Variants in R3HDM2 observed in about 807,000 individuals in gnomAD.
R3HDM2 encodes the protein R3H domain-containing protein 2.
A neutral mutation model predicts 124.5 loss-of-function variants in R3HDM2; 38 were observed. The observed-to-expected ratio is 0.31, with a 90% confidence interval of 0.24 to 0.40. The LOEUF (loss-of-function observed/expected upper bound fraction) is 0.40. R3HDM2 is among the 10% of genes least tolerant of loss of function. R3HDM2 has a pLI of 1.00. For missense variants in R3HDM2, 869 were observed against 1,236.9 expected (o/e 0.70, Z 4.46); for synonymous variants, 391 against 448.0 (o/e 0.87, Z 1.61).
intron 19 of R3HDM2, among the ~76,000 whole-genome samples, chr12:57,265,449 A>T (rs2042088130): frequency 6.6e-6 from 1 of 151,998 alleles, no homozygotes; most frequent in African/African-American, 2.4e-5. Flanking sequence ...AGTACAGAAG[A>T]CACAGGTCTT....
rs757143262 is a variant in R3HDM2 at position 57,261,232 on chromosome 12, T to G, written c.2132-2173A>C. Among the ~76,000 whole-genome samples the G allele has an allele frequency of 2.0e-5, 3 of 152,240 alleles. No homozygotes were observed. The East Asian group carries it at 5.8e-4, about 29-fold the overall frequency. On this transcript the variant is annotated intron_variant, in intron 19 of 23. Coordinates refer to ENST00000402412, the MANE Select transcript of R3HDM2 (RefSeq NM_001394031.1). ...AATTGACCTTATTCAAATACCTCATTGCTACTTGAGAGTCTAATGTAAAAA... is the reference window on the plus strand; with the variant it reads ...AATTGACCTTATTCAAATACCTCATGGCTACTTGAGAGTCTAATGTAAAAA...
intron 2 of R3HDM2, among the ~76,000 whole-genome samples, chr12:57,369,128 C>T (rs986182569): frequency 2.6e-5 from 4 of 152,210 alleles, no homozygotes; most frequent in African/African-American, 9.6e-5. Context: ...TCCCATTTCC[C>T]ACTTCCAACC....
At chr12:57,287,927 A>G (rs1335168647) in intron 12 of R3HDM2, among the ~76,000 whole-genome samples, 1 of 151,958 alleles carries the variant, frequency 6.6e-6, no homozygotes, top group Non-Finnish European at 1.5e-5. Flanking sequence ...TTAATACAAC[A>G]GGTTGCACCA....
At chr12:57,371,699 A>C (rs1219850939) in intron 2 of R3HDM2, among the ~76,000 whole-genome samples, 1 of 152,216 alleles carries the variant, frequency 6.6e-6, no homozygotes, top group Non-Finnish European at 1.5e-5. Flanking sequence ...AACTATAAAA[A>C]CAAAAAGTAA....
chr12:57,280,930 TAG>T (rs113415134), intron 13 of R3HDM2, among the ~76,000 whole-genome samples: 19 of 150,972 alleles, frequency 1.3e-4, no homozygotes, highest in Non-Finnish European at 5.9e-5. Flanking sequence ...GTCCTTTTGC[TAG>T]AGAGAGAGAG....
chr12:57,276,020 A>G (rs1300198155), intron 14 of R3HDM2, among the ~76,000 whole-genome samples: 2 of 152,128 alleles, frequency 1.3e-5, no homozygotes. Flanking sequence ...GATCGAGACC[A>G]TCCTGGCTAA....
At chr12:57,289,691 C>G (rs1249930254) in intron 11 of R3HDM2, among the ~76,000 whole-genome samples, 1 of 152,216 alleles carries the variant, frequency 6.6e-6, no homozygotes, top group African/African-American at 2.4e-5. Context: ...GGAAAAGGTA[C>G]CAAGAGTGTC....
chr12:57,404,889 TA>T (rs1019421514), intron 1 of R3HDM2, among the ~76,000 whole-genome samples: 2 of 150,142 alleles, frequency 1.3e-5, no homozygotes, highest in Admixed American at 6.7e-5. Flanking sequence ...AAATAAAACT[TA>T]AAAAAAAACA....
At chr12:57,319,949 A>C (rs2056037665) in intron 2 of R3HDM2, among the ~76,000 whole-genome samples, 1 of 152,062 alleles carries the variant, frequency 6.6e-6, no homozygotes, top group Non-Finnish European at 1.5e-5. Flanking sequence ...GCCAAAACAA[A>C]AGCAAAAGAA....
At chr12:57,419,558 A>C (rs1358831694) in intron 1 of R3HDM2, among the ~76,000 whole-genome samples, 5 of 151,390 alleles carry the variant, frequency 3.3e-5, no homozygotes, top group Non-Finnish European at 7.4e-5. Context: ...CCTCCCACCT[A>C]TCTCTCAAGT....
intron 12 of R3HDM2, among the ~76,000 whole-genome samples, chr12:57,285,104 G>A (rs2138099856): frequency 6.6e-6 from 1 of 152,216 alleles, no homozygotes; most frequent in South Asian, 2.1e-4. Flanking sequence ...GAATAATTAA[G>A]CAAAAAATCA....
At chr12:57,260,998 C>T (rs1349253648) in intron 19 of R3HDM2, among the ~76,000 whole-genome samples, 2 of 152,176 alleles carry the variant, frequency 1.3e-5, no homozygotes, top group Non-Finnish European at 2.9e-5. Context: ...CACAAATACT[C>T]AGTGCAACAG....
At chr12:57,274,700 G>A (rs1438190137) in intron 14 of R3HDM2, among the ~76,000 whole-genome samples, 1 of 152,116 alleles carries the variant, frequency 6.6e-6, no homozygotes, top group Admixed American at 6.5e-5. Flanking sequence ...CAAAGCCAGG[G>A]AAGCTCTGAA....
Position 57,259,142 on chromosome 12 carries a change from A to T in R3HDM2, c.2132-83T>A. ...ACTAGCCCTGAGTGGGAAAGCAGCA[A>T]ATAAATCCACCCATTGCCTCAGGGT... is the stretch of plus-strand genomic sequence containing the variant. On this transcript the variant is annotated intron_variant, in intron 19 of 23. Coordinates refer to ENST00000402412, the MANE Select transcript of R3HDM2 (RefSeq NM_001394031.1). 4 of 1,444,746 alleles carry T rather than the reference A, an allele frequency of 2.8e-6. No individual in the cohort carries two copies. The South Asian group carries it at 4.9e-5, about 18-fold the overall frequency. 89.5% of individuals were successfully genotyped at this position (1,444,746 alleles called of 1,614,324 possible).
chr12:57,345,703 CT>C (rs1384861010), intron 2 of R3HDM2, among the ~76,000 whole-genome samples: 2 of 152,064 alleles, frequency 1.3e-5, no homozygotes, highest in Non-Finnish European at 2.9e-5. Context: ...CCCATGCCCC[CT>C]AATCTATATT....
chr12:57,280,293 G>A, intron 14 of R3HDM2, 65 bp downstream of exon 14: 1 of 1,505,648 alleles, frequency 6.6e-7, no homozygotes, highest in South Asian at 1.3e-5. Context: ...CAAGAGACAT[G>A]ACGGTACATC....
chr12:57,362,192 T>G (rs1395498393), intron 2 of R3HDM2, among the ~76,000 whole-genome samples: 1 of 152,156 alleles, frequency 6.6e-6, no homozygotes, highest in African/African-American at 2.4e-5. Flanking sequence ...TTACAACAAG[T>G]GTGCCTGCCT....
intron 23 of R3HDM2, 26 bp from the exon 24 acceptor site, chr12:57,255,139 G>T: frequency 6.5e-7 from 1 of 1,541,110 alleles, no homozygotes; most frequent in Non-Finnish European, 8.8e-7. Flanking sequence ...AGAGGACATG[G>T]TTGTGAGAGG....
In R3HDM2 at chr12:57,343,225, T is replaced by C. The variant is rs1203823924; in HGVS notation, c.-35-32762A>G. Among the ~76,000 whole-genome samples, 3 of 149,984 alleles carry C rather than the reference T, an allele frequency of 2.0e-5. No individual in the cohort carries two copies. In the East Asian group the frequency reaches 5.9e-4, roughly 29 times the overall value. ...TTTTTTTTGAGACGGAGTTTCACTC[T>C]TGTTGCCCAAGCTAGAGTCCAATGG... On this transcript the variant is annotated intron_variant, in intron 2 of 23. Coordinates refer to ENST00000402412, the MANE Select transcript of R3HDM2 (RefSeq NM_001394031.1).
Sources: allele counts gnomAD v4.1 joint callset (sites outside exome capture counted in the v4.1 genomes callset), GRCh38; gene constraint gnomAD v4.1.1; transcripts MANE v1.5; gene names NCBI Gene and HGNC (gene_info 2026-07-23, HGNC 2026-07-21).